MGST1: variants seen among roughly 807,000 people sequenced by gnomAD.
The protein encoded by MGST1 is microsomal glutathione S-transferase 1.
MGST1 carries 5 observed loss-of-function variants against 8.9 expected under a neutral mutation model. The observed-to-expected ratio is 0.56, with a 90% CI of 0.29 to 1.19. The LOEUF (loss-of-function observed/expected upper bound fraction) is 1.19, where lower values mean the gene tolerates loss of function less well. Among genes scored for constraint, MGST1 ranks in the 50% most tolerant of loss-of-function variants. MGST1 has a pLI of 0.08. For missense variants in MGST1, 182 were observed against 187.4 expected, an observed-to-expected ratio of 0.97 and a Z score of 0.17; for synonymous variants, 54 against 67.8, an observed-to-expected ratio of 0.80 and a Z score of 1.00.
intron 1 of MGST1, among the ~76,000 whole-genome samples, chr12:16,394,404 TTC>T (rs756864459): frequency 8.6e-5 from 13 of 151,802 alleles, no homozygotes; most frequent in Non-Finnish European, 1.9e-4. Context: ...CTCTCTTTCT[TTC>T]TTTCTTTCTC....
intron 4 of MGST1, among the ~76,000 whole-genome samples, chr12:16,492,812 A>C (rs1432208962): frequency 6.6e-6 from 1 of 152,146 alleles, no homozygotes; most frequent in Non-Finnish European, 1.5e-5. Context: ...TTTCAGACAT[A>C]ATTTGGCCCA....
chr12:16,568,071 A>G (rs919539576), intron 4 of MGST1, among the ~76,000 whole-genome samples: 4 of 152,224 alleles, frequency 2.6e-5, no homozygotes, highest in Non-Finnish European at 4.4e-5. Context: ...ACTGGCAACA[A>G]TAGAAAATAA....
At chr12:16,385,062 G>T (rs1940492985) in intron 1 of MGST1, among the ~76,000 whole-genome samples, 1 of 152,182 alleles carries the variant, frequency 6.6e-6, no homozygotes, top group African/African-American at 2.4e-5. Context: ...AACAGCCCAT[G>T]GATTTCACCC....
intron 4 of MGST1, among the ~76,000 whole-genome samples, chr12:16,475,259 T>C (rs1941315231): frequency 6.6e-6 from 1 of 152,168 alleles, no homozygotes; most frequent in Non-Finnish European, 1.5e-5. Context: ...TACTGTACTC[T>C]TTTTTTAATG....
chr12:16,351,710 T>C (rs1169063472), intron 1 of MGST1, among the ~76,000 whole-genome samples: 2 of 152,038 alleles, frequency 1.3e-5, no homozygotes, highest in Non-Finnish European at 2.9e-5. Context: ...CTCGGGAGGC[T>C]GAGGCAGGAG....
rs1033196674 is a variant in MGST1 at position 16,584,331 on chromosome 12, G to C, written n.483-5197G>C. 3.3e-5 allele frequency among the ~76,000 whole-genome samples: 5 copies of C among 152,146 alleles called. No individual in the cohort carries two copies. Among genetic ancestry groups the C allele is most frequent in the Admixed American group, 6.5e-5 (1 of 15,270 alleles). On this transcript the variant is annotated intron_variant and non_coding_transcript_variant, in intron 4 of 4. Coordinates refer to the MGST1 transcript ENST00000538857. This position sits in a 1 kb window ranked among gnomAD's most constrained non-coding sequence, Gnocchi z 5.2. ...ACCTTGCACCTGTTGACAGCTGAAA[G>C]AAAAGTTGCCTCCTTAAAGGAGAGG... is the stretch of plus-strand genomic sequence containing the variant.
chr12:16,386,913 C>T (rs1428626627), intron 1 of MGST1, among the ~76,000 whole-genome samples: 1 of 152,208 alleles, frequency 6.6e-6, no homozygotes. Context: ...ACACTGTCCA[C>T]CCTGTCAGTC....
chr12:16,562,083 AG>A lies in MGST1; in HGVS notation n.483-27444del, dbSNP rs1661675258. 2.0e-5 allele frequency among the ~76,000 whole-genome samples: 3 copies of A among 152,214 alleles called. No homozygotes were observed. The South Asian group carries it at 6.2e-4, about 32-fold the overall frequency. On this transcript the variant is annotated intron_variant and non_coding_transcript_variant, in intron 4 of 4. Coordinates refer to the MGST1 transcript ENST00000538857. ...TTTGATAAATAATATTTATTTAAAA[AG>A]AAAGAACTTGCTCGAAAATGTAATA...
downstream of MGST1, among the ~76,000 whole-genome samples, chr12:16,380,057 C>A (rs564960383): frequency 6.6e-6 from 1 of 152,030 alleles, no homozygotes; most frequent in Non-Finnish European, 1.5e-5. Flanking sequence ...GTCTTGCTAG[C>A]GGTCTATCAA....
intron 1 of MGST1, among the ~76,000 whole-genome samples, chr12:16,409,406 C>A (rs1940723409): frequency 6.6e-6 from 1 of 152,086 alleles, no homozygotes; most frequent in South Asian, 2.1e-4. Context: ...TTTGTACCTG[C>A]AACCTCATTC....
chr12:16,360,863 T>G (rs966747574), intron 3 of MGST1, among the ~76,000 whole-genome samples: 2 of 152,156 alleles, frequency 1.3e-5, no homozygotes, highest in Non-Finnish European at 2.9e-5. Flanking sequence ...GTGGCCCCAG[T>G]GTATGAACAC....
chr12:16,410,413 T>C lies in MGST1; in HGVS notation n.778+26809T>C, dbSNP rs1163850841. On this transcript the variant is annotated intron_variant and non_coding_transcript_variant, in intron 1 of 1. Coordinates refer to the MGST1 transcript ENST00000359720. This position sits in a 1 kb window ranked among gnomAD's most constrained non-coding sequence, Gnocchi z 4.4. ...AAGTTCCCACCAGTTCTCACCCGAA[T>C]TGCTGCAATAGCCCGTCTGTGTTTT... 6.6e-6 allele frequency among the ~76,000 whole-genome samples: 1 copy of C among 152,078 alleles called. No individual in the cohort carries two copies. The highest frequency in any genetic ancestry group is 1.5e-5 in the Non-Finnish European group (1 of 68,014).
intron 4 of MGST1, among the ~76,000 whole-genome samples, chr12:16,572,311 CTA>C (rs1350759946): frequency 7.6e-6 from 1 of 132,022 alleles, no homozygotes; most frequent in Non-Finnish European, 1.6e-5. Context: ...TAAACATTCT[CTA>C]TGTTTTCTGC....
chr12:16,358,568 A>T (rs553833910), intron 3 of MGST1, among the ~76,000 whole-genome samples: 1 of 151,416 alleles, frequency 6.6e-6, no homozygotes, highest in African/African-American at 2.4e-5. Context: ...CTGGGTTCAA[A>T]CCATTCTCCT....
At chr12:16,591,072 G>T (rs1943482180), downstream of MGST1, among the ~76,000 whole-genome samples, 1 of 152,022 alleles carries the variant, frequency 6.6e-6, no homozygotes, top group African/African-American at 2.4e-5. This position sits in a 1 kb window ranked among gnomAD's most constrained non-coding sequence, Gnocchi z 4.1. Context: ...TCAAATTGAA[G>T]TATTATCACT....
chr12:16,374,933 T>G (rs967190155), intron 3 of MGST1, among the ~76,000 whole-genome samples: 1 of 152,186 alleles, frequency 6.6e-6, no homozygotes, highest in Non-Finnish European at 1.5e-5. Flanking sequence ...CATGCTGAAG[T>G]GCAGTGGGAC....
chr12:16,400,747 C>T, intron 1 of MGST1: 1 of 1,270,366 alleles, frequency 7.9e-7, no homozygotes, highest in Non-Finnish European at 1.2e-6. Flanking sequence ...CTTCCACGGA[C>T]ATACTTATAT....
At chr12:16,386,320 G>A (rs560459278) in intron 1 of MGST1, among the ~76,000 whole-genome samples, 7 of 152,282 alleles carry the variant, frequency 4.6e-5, no homozygotes, top group African/African-American at 9.6e-5. Context: ...AAAGTGCTCC[G>A]CAGGCTCTGA....
Position 16,500,085 on chromosome 12 carries a change from A to G in MGST1, n.483-89443A>G, listed in dbSNP as rs1384347736. Among the ~76,000 whole-genome samples the G allele has an allele frequency of 6.6e-6, 1 of 152,188 alleles. No individual in the cohort carries two copies. Among genetic ancestry groups the G allele is most frequent in the African/African-American group, 2.4e-5 (1 of 41,454 alleles). On this transcript the variant is annotated intron_variant and non_coding_transcript_variant, in intron 4 of 4. Coordinates refer to the MGST1 transcript ENST00000538857. The surrounding 1 kb of genome is among the most constrained non-coding windows in gnomAD (Gnocchi z 4.3). Reference sequence around the variant, plus strand: ...TCATAAGTATGTTTAAACTTTAGATATTTGTCAACAATTAATTATTTCTTA... The same window carrying G: ...TCATAAGTATGTTTAAACTTTAGATGTTTGTCAACAATTAATTATTTCTTA...
Sources: allele counts gnomAD v4.1 joint callset (sites outside exome capture counted in the v4.1 genomes callset), GRCh38; gene constraint gnomAD v4.1.1; non-coding constraint Gnocchi (gnomAD v3.1); transcripts MANE v1.5; gene names NCBI Gene and HGNC (gene_info 2026-07-23, HGNC 2026-07-21).